PRKCH: variants seen among roughly 807,000 people sequenced by gnomAD.
The protein encoded by PRKCH is protein kinase C eta type.
In PRKCH, 28 loss-of-function variants were observed where a neutral mutation model predicts 82.5. That is an observed-to-expected ratio of 0.34 (90% CI 0.25 to 0.47). The LOEUF is 0.47. PRKCH is among the 20% of genes least tolerant of loss of function. The pLI is 1.00. For synonymous variants in PRKCH, 322 were observed against 327.4 expected (o/e 0.98, Z 0.18); for missense variants, 705 against 881.8 (o/e 0.80, Z 2.54).
intron 10 of PRKCH, among the ~76,000 whole-genome samples, chr14:61,511,928 A>G (rs927928743): frequency 1.6e-4 from 25 of 152,310 alleles, no homozygotes; most frequent in Admixed American, 7.8e-4. Context: ...TGCAGTTTTT[A>G]TCTGAGTGGC....
intron 9 of PRKCH, among the ~76,000 whole-genome samples, chr14:61,473,248 G>A (rs2140314258): frequency 6.6e-6 from 1 of 152,322 alleles, no homozygotes; most frequent in African/African-American, 2.4e-5. Context: ...GGGGGGTGGT[G>A]ATGAAGAAGC....
chr14:61,317,592 C>G (rs933502186), upstream of PRKCH, among the ~76,000 whole-genome samples: 2 of 152,154 alleles, frequency 1.3e-5, no homozygotes, highest in African/African-American at 2.4e-5. Context: ...GTTCTTTAGT[C>G]CTTGCCTACT....
intron 12 of PRKCH, among the ~76,000 whole-genome samples, chr14:61,546,351 C>T (rs1566938208): frequency 6.6e-6 from 1 of 152,210 alleles, no homozygotes; most frequent in Non-Finnish European, 1.5e-5. Flanking sequence ...GTCCTGCCTC[C>T]AACCCAGAAC....
chr14:61,408,964 G>A (rs1001727764), intron 2 of PRKCH, among the ~76,000 whole-genome samples: 4 of 152,230 alleles, frequency 2.6e-5, no homozygotes, highest in Admixed American at 1.3e-4. Flanking sequence ...TCGGGAAGGT[G>A]TAGGAGGGAT....
intron 1 of PRKCH, among the ~76,000 whole-genome samples, chr14:61,381,056 T>C (rs2046502179): frequency 6.6e-6 from 1 of 152,224 alleles, no homozygotes; most frequent in South Asian, 2.1e-4. Context: ...AGTCTTCAGA[T>C]GTCTACTTGC....
intron 1 of PRKCH, among the ~76,000 whole-genome samples, chr14:61,340,795 G>T (rs1457246790): frequency 6.6e-6 from 1 of 152,104 alleles, no homozygotes; most frequent in Non-Finnish European, 1.5e-5. Flanking sequence ...CCCTTGACCT[G>T]CTCCTCCTCC....
upstream of PRKCH, among the ~76,000 whole-genome samples, chr14:61,316,916 G>A (rs567207777): frequency 7.2e-5 from 11 of 152,314 alleles, no homozygotes; most frequent in South Asian, 2.3e-3. Context: ...AACAGGGAGA[G>A]GGGAGCAAAA....
intron 1 of PRKCH, among the ~76,000 whole-genome samples, chr14:61,286,735 C>A (rs372381940): frequency 3.3e-5 from 5 of 151,944 alleles, no homozygotes; most frequent in African/African-American, 7.3e-5. Context: ...GAGATCACGT[C>A]ATTGCACTCC....
chr14:61,244,768 A>G (rs888753938), intron 1 of PRKCH, among the ~76,000 whole-genome samples: 4 of 152,208 alleles, frequency 2.6e-5, no homozygotes, highest in African/African-American at 9.6e-5. Flanking sequence ...TCCGCCCTCA[A>G]CTGGTCTTCC....
intron 1 of PRKCH, among the ~76,000 whole-genome samples, chr14:61,234,535 G>A (rs2044772066): frequency 6.6e-6 from 1 of 152,136 alleles, no homozygotes; most frequent in Non-Finnish European, 1.5e-5. Context: ...AGGTGTGCAA[G>A]CCAGCCCTTC....
At chr14:61,381,384 A>G (rs2046507234) in intron 1 of PRKCH, among the ~76,000 whole-genome samples, 1 of 152,186 alleles carries the variant, frequency 6.6e-6, no homozygotes, top group Non-Finnish European at 1.5e-5. Context: ...TTTTGCCATC[A>G]TTGTTTTCTG....
intron 1 of PRKCH, among the ~76,000 whole-genome samples, chr14:61,372,501 A>G (rs1179946146): frequency 6.6e-6 from 1 of 152,052 alleles, no homozygotes; most frequent in South Asian, 2.1e-4. Context: ...ACTGGTTCCT[A>G]CCACCCACCA....
chr14:61,408,172 C>T (rs759179572), intron 2 of PRKCH, among the ~76,000 whole-genome samples: 4 of 152,166 alleles, frequency 2.6e-5, no homozygotes, highest in African/African-American at 4.8e-5. Context: ...ACCATACAGG[C>T]GTCTCTCTTG....
At chr14:61,504,011 C>T (rs1278354724) in intron 10 of PRKCH, among the ~76,000 whole-genome samples, 1 of 152,110 alleles carries the variant, frequency 6.6e-6, no homozygotes, top group Admixed American at 6.5e-5. Context: ...GTTCAATTAA[C>T]AACACATTTT....
intron 1 of PRKCH, among the ~76,000 whole-genome samples, chr14:61,257,902 A>G (rs1055187903): frequency 1.6e-4 from 24 of 152,144 alleles, no homozygotes; most frequent in Non-Finnish European, 3.1e-4. Context: ...GCACTTCAGC[A>G]CTAGAAGAAA....
intron 10 of PRKCH, among the ~76,000 whole-genome samples, chr14:61,491,857 A>G (rs1208229659): frequency 1.3e-5 from 2 of 152,246 alleles, no homozygotes; most frequent in Non-Finnish European, 2.9e-5. Context: ...TGATCCAGTG[A>G]GGGAGAAAGA....
chr14:61,401,955 C>T (rs764725514), intron 2 of PRKCH, among the ~76,000 whole-genome samples: 33 of 152,192 alleles, frequency 2.2e-4, no homozygotes, highest in African/African-American at 6.3e-4. Context: ...GAATGAACTG[C>T]GCCTGTTACT....
intron 2 of PRKCH, among the ~76,000 whole-genome samples, chr14:61,413,827 G>A (rs1002265454): frequency 1.4e-4 from 22 of 151,966 alleles, no homozygotes; most frequent in African/African-American, 3.6e-4. Flanking sequence ...TAAGCTCTCT[G>A]GCTTCCCTCA....
chr14:61,280,653 G>C lies in PRKCH; in HGVS notation c.-19+92985G>C. The C allele has an allele frequency of 6.4e-7, 1 of 1,571,582 alleles. No homozygotes were observed. The highest frequency in any genetic ancestry group is 8.6e-7 in the Non-Finnish European group (1 of 1,159,524). ...AGGAGTCGTTGAAGAGGCTGTTGGC[G>C]ATGGCGCCGCAGGGCGCGATGGGCA... On this transcript the variant is annotated intron_variant, in intron 1 of 3. Transcript: ENST00000555185. The surrounding 1 kb of genome is among the most constrained non-coding windows in gnomAD (Gnocchi z 5.0).
Sources: allele counts gnomAD v4.1 joint callset (sites outside exome capture counted in the v4.1 genomes callset), GRCh38; gene constraint gnomAD v4.1.1; non-coding constraint Gnocchi (gnomAD v3.1); transcripts MANE v1.5; gene names NCBI Gene and HGNC (gene_info 2026-07-23, HGNC 2026-07-21).